FGF12: variants seen among roughly 807,000 people sequenced by gnomAD.
FGF12 encodes the protein fibroblast growth factor 12B.
In FGF12, 14 loss-of-function variants were observed where a neutral mutation model predicts 23.6. The ratio of observed to expected loss-of-function variants is 0.59; its 90% CI spans 0.39 to 0.93. The LOEUF is 0.93. Ranked by LOEUF, FGF12 falls within the 40% of genes least tolerant of loss-of-function variation. The pLI is 0.00. For synonymous variants in FGF12, 62 were observed against 77.3 expected, an observed-to-expected ratio of 0.80 and a Z score of 1.04; for missense variants, 175 against 217.8, an observed-to-expected ratio of 0.80 and a Z score of 1.24.
At chr3:192,429,281 C>T (rs1721781154) in intron 2 of FGF12, among the ~76,000 whole-genome samples, 1 of 152,188 alleles carries the variant, frequency 6.6e-6, no homozygotes, top group East Asian at 1.9e-4. Context: ...CACTTAAAGA[C>T]TGGCTTGTGA....
In FGF12 at chr3:192,400,404, T is replaced by C. The variant is rs540000432; in HGVS notation, c.14-39866A>G. The stretch of plus-strand genomic sequence containing the variant: ...TTTTTTTTGAGACTGAGTCTCGCCA[T>C]GTGGCCCGGGCTGGAGTGCAATGAC... On this transcript the variant is annotated intron_variant, in intron 2 of 5. Coordinates refer to ENST00000445105, the MANE Select transcript of FGF12 (RefSeq NM_004113.6). 3.3e-4 allele frequency among the ~76,000 whole-genome samples: 46 copies of C among 140,498 alleles called. No homozygotes were observed. In the South Asian group the frequency reaches 7.5e-3, roughly 23 times the overall value. The allele number at this position is 140,498 out of a possible 152,430, so 92.2% of individuals were successfully genotyped here. A position where few individuals can be genotyped will look rare whatever the true frequency, so the allele number is the denominator to read the frequency against.
At chr3:192,652,071 G>A (rs2108676759) in intron 2 of FGF12, among the ~76,000 whole-genome samples, 1 of 152,302 alleles carries the variant, frequency 6.6e-6, no homozygotes, top group East Asian at 1.9e-4. Context: ...AGATGCCAGG[G>A]AATATCAAAC....
intron 4 of FGF12, among the ~76,000 whole-genome samples, chr3:192,236,542 G>A (rs1238783537): frequency 1.3e-5 from 2 of 152,134 alleles, no homozygotes; most frequent in African/African-American, 2.4e-5. Context: ...GTGTTCCAGT[G>A]TTGGGTGCAT....
intron 4 of FGF12, among the ~76,000 whole-genome samples, chr3:192,292,282 A>T (rs1465693273): frequency 6.6e-6 from 1 of 152,100 alleles, no homozygotes; most frequent in Non-Finnish European, 1.5e-5. Context: ...TCATTGTGTC[A>T]GGAATACCAA....
chr3:192,491,660 T>C lies in FGF12; in HGVS notation c.14-131122A>G, dbSNP rs187985410. Among the ~76,000 whole-genome samples the C allele has an allele frequency of 1.8e-4, 28 of 152,302 alleles. No individual in the cohort carries two copies. The East Asian group carries it at 5.2e-3, about 28-fold the overall frequency. On this transcript the variant is annotated intron_variant, in intron 2 of 5. Coordinates refer to ENST00000445105, the MANE Select transcript of FGF12 (RefSeq NM_004113.6). ...TATGTATCTCAAGAGACTTAATGTATATGATGTTACATAAACTCTGAAACT... is the reference window on the plus strand; with the variant it reads ...TATGTATCTCAAGAGACTTAATGTACATGATGTTACATAAACTCTGAAACT...
At chr3:192,620,691 C>G (rs763613595) in intron 2 of FGF12, among the ~76,000 whole-genome samples, 2 of 152,148 alleles carry the variant, frequency 1.3e-5, no homozygotes, top group Non-Finnish European at 2.9e-5. Flanking sequence ...TATTTGGTTT[C>G]AGAATTGTCC....
intron 2 of FGF12, among the ~76,000 whole-genome samples, chr3:192,644,449 A>C (rs1432724504): frequency 1.3e-5 from 2 of 152,016 alleles, no homozygotes; most frequent in Non-Finnish European, 2.9e-5. Context: ...GTTCACTCCT[A>C]TTTTATTGCA....
Position 192,321,380 on chromosome 3 carries a change from A to C in FGF12, c.228+13981T>G, listed in dbSNP as rs79773938. 2.8e-3 allele frequency among the ~76,000 whole-genome samples: 422 copies of C among 152,054 alleles called. 18 individuals are homozygous for C. In the East Asian group the frequency reaches 0.073, roughly 26 times the overall value. ...TCACTGCTGAATAATTTTATTAAAC[A>C]TTTAATGAAGAACTAATACCTACTG... On this transcript the variant is annotated intron_variant, in intron 4 of 5. Coordinates refer to ENST00000445105, the MANE Select transcript of FGF12 (RefSeq NM_004113.6).
intron 4 of FGF12, among the ~76,000 whole-genome samples, chr3:192,232,427 A>G (rs1417618934): frequency 6.6e-6 from 1 of 152,226 alleles, no homozygotes; most frequent in African/African-American, 2.4e-5. Flanking sequence ...TATGCACAAT[A>G]TCAGGAAAGA....
intron 2 of FGF12, among the ~76,000 whole-genome samples, chr3:192,588,164 T>C (rs1006815863): frequency 2.7e-5 from 4 of 150,088 alleles, no homozygotes; most frequent in Non-Finnish European, 5.9e-5. Flanking sequence ...GCTAACACGG[T>C]GAAACCCCGT....
At chr3:192,515,698 C>T (rs1228155202) in intron 2 of FGF12, among the ~76,000 whole-genome samples, 1 of 152,190 alleles carries the variant, frequency 6.6e-6, no homozygotes, top group African/African-American at 2.4e-5. Context: ...GGCGAGAAAT[C>T]TGAAGACAAA....
rs144493647 is a variant in FGF12, at chr3:192,621,559, T to C, written c.13+105622A>G. ...GGGCTATTTTAGAGTAGAGATAATA[T>C]AGACGACTCGTGGAGCATAGTGCCT... On this transcript the variant is annotated intron_variant, in intron 2 of 5. Coordinates refer to ENST00000445105, the MANE Select transcript of FGF12 (RefSeq NM_004113.6). Among the ~76,000 whole-genome samples the C allele has an allele frequency of 2.6e-4, 39 of 152,178 alleles. No individual in the cohort carries two copies. In the East Asian group the frequency reaches 7.0e-3, roughly 27 times the overall value.
intron 2 of FGF12, among the ~76,000 whole-genome samples, chr3:192,415,180 A>G (rs1363345601): frequency 6.6e-6 from 1 of 152,096 alleles, no homozygotes; most frequent in East Asian, 1.9e-4. Context: ...ATTTTCCTTC[A>G]TAGCTGGGTT....
At chr3:192,675,308 A>C (rs1285884111) in intron 2 of FGF12, among the ~76,000 whole-genome samples, 2 of 152,180 alleles carry the variant, frequency 1.3e-5, no homozygotes, top group Non-Finnish European at 2.9e-5. Context: ...AGCAAAAAAA[A>C]AAAAGTCCTA....
chr3:192,609,271 C>T (rs1714459773), intron 2 of FGF12, among the ~76,000 whole-genome samples: 1 of 152,024 alleles, frequency 6.6e-6, no homozygotes, highest in Non-Finnish European at 1.5e-5. Context: ...AGATGCCATA[C>T]AACACAGATT....
intron 2 of FGF12, among the ~76,000 whole-genome samples, chr3:192,381,498 CAGAA>C (rs1166265493): frequency 1.3e-5 from 2 of 152,028 alleles, no homozygotes; most frequent in African/African-American, 2.4e-5. Context: ...ACCCTCTTGT[CAGAA>C]AGAAACTAAA....
intron 4 of FGF12, among the ~76,000 whole-genome samples, chr3:192,308,680 CAA>C (rs567424076): frequency 2.3e-5 from 3 of 129,716 alleles, no homozygotes. Flanking sequence ...AACTCCATCT[CAA>C]AAAAAAAAAA....
At chr3:192,339,819 A>G (rs1401939504) in intron 3 of FGF12, among the ~76,000 whole-genome samples, 1 of 152,132 alleles carries the variant, frequency 6.6e-6, no homozygotes, top group African/African-American at 2.4e-5. Context: ...CATCCCTACA[A>G]TGCAAGACTC....
chr3:192,613,013 G>A (rs916844979), intron 2 of FGF12, among the ~76,000 whole-genome samples: 8 of 151,442 alleles, frequency 5.3e-5, no homozygotes, highest in Admixed American at 2.0e-4. Context: ...GAAAACACAC[G>A]CTGGTGACCT....
Sources: allele counts gnomAD v4.1 joint callset (sites outside exome capture counted in the v4.1 genomes callset), GRCh38; gene constraint gnomAD v4.1.1; transcripts MANE v1.5; gene names NCBI Gene and HGNC (gene_info 2026-07-23, HGNC 2026-07-21).